VPS39: variants seen among roughly 807,000 people sequenced by gnomAD.
VPS39 encodes vam6/Vps39-like protein.
A neutral mutation model predicts 121.0 loss-of-function variants in VPS39; 70 were observed. The ratio of observed to expected loss-of-function variants is 0.58; its 90% CI spans 0.48 to 0.71. The LOEUF (loss-of-function observed/expected upper bound fraction) is 0.71. VPS39 is among the 30% of genes least tolerant of loss of function. The pLI, the probability that VPS39 is intolerant of heterozygous loss-of-function variation, is 0.00. For missense variants in VPS39, 818 were observed against 1,051.5 expected (o/e 0.78, Z 3.07); for synonymous variants, 378 against 398.1 (o/e 0.95, Z 0.60).
intron 7 of VPS39, among the ~76,000 whole-genome samples, chr15:42,187,038 A>AT: frequency 6.6e-6 from 1 of 152,332 alleles, no homozygotes; most frequent in South Asian, 2.1e-4. Context: ...TAAAATACAC[A>AT]CTGTGGATCA....
At chr15:42,170,204 A>G (rs2049320350) in intron 11 of VPS39, among the ~76,000 whole-genome samples, 1 of 152,188 alleles carries the variant, frequency 6.6e-6, no homozygotes, top group South Asian at 2.1e-4. Flanking sequence ...GAGACTCAAC[A>G]ATAAAAAATT....
chr15:42,161,872 T>G lies in VPS39; in HGVS notation c.2461-99A>C, dbSNP rs997671365. 8 of 1,592,340 alleles carry G rather than the reference T, an allele frequency of 5.0e-6. No homozygotes were observed. In the African/African-American group the frequency reaches 1.1e-4, roughly 21 times the overall value. On this transcript the variant is annotated intron_variant, in intron 23 of 24. Transcript: ENST00000318006. Reference sequence around the variant, plus strand: ...TGTGTCCTCTTTCAGTCGTCACAGATTCTTCTGCTTAGAACATTGGCAATT... The same window carrying G: ...TGTGTCCTCTTTCAGTCGTCACAGAGTCTTCTGCTTAGAACATTGGCAATT...
chr15:42,162,128 G>C lies in VPS39; in HGVS notation c.2364C>G (p.Asp788Glu). 2 of 1,614,222 alleles carry C rather than the reference G, an allele frequency of 1.2e-6. No individual in the cohort carries two copies. The highest frequency in any genetic ancestry group is 1.7e-6 in the Non-Finnish European group (2 of 1,180,050). Residue 788 changes from aspartate (D) to glutamate (E), a missense_variant, in exon 23 of 25, where the codon GAC (aspartate) becomes GAG (glutamate). Coordinates refer to ENST00000318006, the MANE Select transcript of VPS39 (RefSeq NM_015289.5). ...AGACCTTTTCCAGGAAGATGCGTAT[G>C]TCATTGATCTGAGTGTTTGCTGGCA... ...NLLPANTQIN[D>E]IRIFLEKVLE...
chr15:42,205,590 T>C (rs1409632464), intron 1 of VPS39, among the ~76,000 whole-genome samples: 2 of 152,212 alleles, frequency 1.3e-5, no homozygotes, highest in African/African-American at 4.8e-5. Flanking sequence ...CAGGGCCTGA[T>C]CATGTCAGAT....
In VPS39 at chr15:42,189,129, A is replaced by C. The variant is rs2049767723; in HGVS notation, c.327T>G (p.Phe109Leu). The C allele has an allele frequency of 6.2e-7, 1 of 1,613,790 alleles. No individual in the cohort carries two copies. The highest frequency in any genetic ancestry group is 1.1e-5 in the South Asian group (1 of 91,086). ...GTAAACTTACCTGGAGGTCACAAGT[A>C]AACAGTGATGCTCCCTTTGCCTTTG... ...TVSKAKGASL[F>L]TCDLQHTETG... Residue 109 changes from phenylalanine (F) to leucine (L), a missense_variant, in exon 5 of 25, where the codon TTT becomes TTG. By Grantham distance (22) the Phe-to-Leu change is conservative. Coordinates refer to ENST00000318006, the MANE Select transcript of VPS39 (RefSeq NM_015289.5).
At chr15:42,175,185 G>A (rs945570587) in intron 10 of VPS39, among the ~76,000 whole-genome samples, 30 of 152,030 alleles carry the variant, frequency 2.0e-4, no homozygotes, top group African/African-American at 6.8e-4. Flanking sequence ...AGGCTGAAGC[G>A]GGCGGATCAT....
At chr15:42,177,992 A>G (rs141719269) in intron 10 of VPS39, among the ~76,000 whole-genome samples, 76 of 152,360 alleles carry the variant, frequency 5.0e-4, no homozygotes, top group African/African-American at 1.8e-3. Context: ...ACAAGGTACT[A>G]TTACTAGAAT....
At chr15:42,201,266 C>T (rs2050062698) in intron 1 of VPS39, among the ~76,000 whole-genome samples, 1 of 152,106 alleles carries the variant, frequency 6.6e-6, no homozygotes, top group Non-Finnish European at 1.5e-5. Context: ...GCCTCCACCT[C>T]CCTAGCTCAA....
At chr15:42,166,731 G>A (rs372859166) in intron 14 of VPS39, 41 bp downstream of exon 14, 3 of 1,613,524 alleles carry the variant, frequency 1.9e-6, no homozygotes, top group Non-Finnish European at 2.5e-6. Context: ...CCCCTGCCAT[G>A]TACAAGAGCC....
intron 12 of VPS39, among the ~76,000 whole-genome samples, chr15:42,167,815 C>T (rs1222897434): frequency 6.6e-6 from 1 of 152,094 alleles, no homozygotes; most frequent in African/African-American, 2.4e-5. Flanking sequence ...GGTGAGGAAC[C>T]CAAGGCACAG....
intron 24 of VPS39, 76 bp from the exon 25 acceptor site, chr15:42,160,905 G>A (rs1395219856): frequency 2.7e-6 from 4 of 1,474,018 alleles, no homozygotes; most frequent in Non-Finnish European, 3.8e-6. Flanking sequence ...ACCTCCTACA[G>A]AAGAGGCACA....
intron 12 of VPS39, among the ~76,000 whole-genome samples, chr15:42,167,841 T>G (rs573070794): frequency 2.6e-5 from 4 of 152,328 alleles, no homozygotes; most frequent in Admixed American, 2.0e-4. Context: ...AGCTGCTACA[T>G]AAGGGGTAGG....
chr15:42,207,456 G>A (rs2050197742), intron 1 of VPS39, among the ~76,000 whole-genome samples: 1 of 152,182 alleles, frequency 6.6e-6, no homozygotes, highest in African/African-American at 2.4e-5. Flanking sequence ...GACTATGCTA[G>A]TTTTTATGGG....
At chr15:42,169,966 AT>A in intron 11 of VPS39, 100 bp from the exon 12 acceptor site, 37 of 1,129,956 alleles carry the variant, frequency 3.3e-5, no homozygotes, top group Middle Eastern at 3.3e-4. Flanking sequence ...TTCCAGACTG[AT>A]TTAAAAAAAA....
In VPS39 at chr15:42,199,879, G is replaced by A. The variant is rs776643464; in HGVS notation, c.139+17C>T. On this transcript the variant is annotated intron_variant, in intron 2 of 24. Transcript: ENST00000318006. ...ACTATTAAAACTTATTTTTTTGCATGAGCAATGTGCACTTACCAACGTCCT... is the reference window on the plus strand; with the variant it reads ...ACTATTAAAACTTATTTTTTTGCATAAGCAATGTGCACTTACCAACGTCCT... 6.4e-7 allele frequency: 1 copy of A among 1,560,138 alleles called. No individual in the cohort carries two copies. Among genetic ancestry groups the A allele is most frequent in the African/African-American group, 1.4e-5 (1 of 70,946 alleles).
At chr15:42,191,018 C>G in intron 4 of VPS39, 107 bp downstream of exon 4, 1 of 1,309,554 alleles carries the variant, frequency 7.6e-7, no homozygotes. Context: ...GTTTGGAACA[C>G]GTCAGTTCAT....
Position 42,208,210 on chromosome 15 carries a change from G to C in VPS39, c.-57C>G. 1 of 1,549,990 alleles carries C rather than the reference G, an allele frequency of 6.5e-7. No homozygotes were observed. The highest frequency in any genetic ancestry group is 8.7e-7 in the Non-Finnish European group (1 of 1,146,068). Reference sequence around the variant, plus strand: ...CGCCCAGAGTGTTCCGGGCCGGGCTGGGGTCCGGAACGAGTCTGGGCTAAG... The same window carrying C: ...CGCCCAGAGTGTTCCGGGCCGGGCTCGGGTCCGGAACGAGTCTGGGCTAAG... On this transcript the variant is annotated 5_prime_UTR_variant, in exon 1 of 25. Coordinates refer to ENST00000318006, the MANE Select transcript of VPS39 (RefSeq NM_015289.5).
chr15:42,192,930 C>T (rs1228078380), intron 2 of VPS39, among the ~76,000 whole-genome samples: 1 of 152,092 alleles, frequency 6.6e-6, no homozygotes, highest in Admixed American at 6.5e-5. Flanking sequence ...CAGGCATGTG[C>T]CACCATGCCC....
At chr15:42,179,575 C>CAATAAATAAATA (rs372735737) in intron 8 of VPS39, among the ~76,000 whole-genome samples, 4 of 108,064 alleles carry the variant, frequency 3.7e-5, no homozygotes, top group African/African-American at 1.1e-4. Flanking sequence ...GACTCCATCT[C>CAATAAATAAATA]AATAAATAAA....
Sources: allele counts gnomAD v4.1 joint callset (sites outside exome capture counted in the v4.1 genomes callset), GRCh38; gene constraint gnomAD v4.1.1; transcripts MANE v1.5; gene names NCBI Gene and HGNC (gene_info 2026-07-23, HGNC 2026-07-21).